The following ELP4 variants were observed in gnomAD, a reference collection of about 807,000 sequenced individuals.
ELP4 encodes the protein elongator complex protein 4.
ELP4 carries 51 observed loss-of-function variants against 48.9 expected under a neutral mutation model. The observed-to-expected ratio is 1.04, with a 90% CI of 0.83 to 1.32. ELP4 has a LOEUF of 1.32. Among genes scored for constraint, ELP4 ranks in the 40% most tolerant of loss-of-function variants. The pLI, the probability that ELP4 is intolerant of heterozygous loss-of-function variation, is 0.00. For missense variants in ELP4, 519 were observed against 514.6 expected, an observed-to-expected ratio of 1.01 and a Z score of -0.08; for synonymous variants, 210 against 189.2, an observed-to-expected ratio of 1.11 and a Z score of -0.90.
chr11:31,747,823 A>C (rs1480183843), intron 9 of ELP4, among the ~76,000 whole-genome samples: 3 of 152,210 alleles, frequency 2.0e-5, no homozygotes, highest in African/African-American at 7.2e-5. Context: ...ACAGAGATTC[A>C]CTTATTTAAC....
In ELP4 at chr11:31,786,527, AGAG is replaced by A. The variant is rs1367514050; in HGVS notation, c.*3004_*3006del. The A allele has an allele frequency of 4.4e-6, 1 of 224,740 alleles. No individual in the cohort carries two copies. The highest frequency in any genetic ancestry group is 2.2e-5 in the African/African-American group (1 of 44,898). The allele number at this position is 224,740 out of a possible 1,614,324, so 13.9% of individuals were successfully genotyped here. A position where few individuals can be genotyped will look rare whatever the true frequency, so the allele number is the denominator to read the frequency against. ...TTTCGCCTTGGTGAGCCAAACATAC[AGAG>A]AAGAAAAGGCTTTTTAAAATCTTAC... On this transcript the variant is annotated 3_prime_UTR_variant, in exon 10 of 10. Transcript: ENST00000640961.
chr11:31,694,822 CTT>C (rs2134145391), intron 9 of ELP4, among the ~76,000 whole-genome samples: 1 of 152,180 alleles, frequency 6.6e-6, no homozygotes, highest in South Asian at 2.1e-4. Flanking sequence ...TGTTTTTATC[CTT>C]TTTTATTTCA....
At chr11:31,544,882 C>G (rs1048633110) in intron 3 of ELP4, among the ~76,000 whole-genome samples, 3 of 152,166 alleles carry the variant, frequency 2.0e-5, no homozygotes, top group African/African-American at 7.2e-5. Flanking sequence ...TGCTAATACC[C>G]AGGCAAACAG....
chr11:31,692,064 T>C (rs1250961012), intron 9 of ELP4, among the ~76,000 whole-genome samples: 1 of 152,186 alleles, frequency 6.6e-6, no homozygotes, highest in Non-Finnish European at 1.5e-5. Flanking sequence ...GGTTTTCAAA[T>C]TTTTAAGCTG....
chr11:31,674,159 T>C (rs937469577), intron 9 of ELP4, among the ~76,000 whole-genome samples: 1 of 152,256 alleles, frequency 6.6e-6, no homozygotes, highest in African/African-American at 2.4e-5. Context: ...TTGGTATTGT[T>C]TTCTATTGGA....
At chr11:31,648,576 T>G (rs990748842) in intron 8 of ELP4, 2 of 151,508 alleles carry the variant, frequency 1.3e-5, no homozygotes, top group African/African-American at 4.8e-5. Flanking sequence ...ATAACAGATT[T>G]TTACCTATTA....
chr11:31,546,202 G>C (rs1284648301), intron 3 of ELP4, among the ~76,000 whole-genome samples: 1 of 152,028 alleles, frequency 6.6e-6, no homozygotes. Context: ...ATTGGATAAA[G>C]AGTCAAGACC....
intron 9 of ELP4, among the ~76,000 whole-genome samples, chr11:31,664,810 G>A (rs1945637259): frequency 1.3e-5 from 2 of 152,026 alleles, no homozygotes; most frequent in South Asian, 2.1e-4. Flanking sequence ...GCATCACCTT[G>A]AGAATAAAGG....
At chr11:31,714,078 A>G (rs1023253126) in intron 9 of ELP4, among the ~76,000 whole-genome samples, 3 of 152,160 alleles carry the variant, frequency 2.0e-5, no homozygotes, top group African/African-American at 7.2e-5. Context: ...ATGGTATAGA[A>G]AAGACCAGCA....
chr11:31,541,947 T>C (rs192109371), intron 3 of ELP4, among the ~76,000 whole-genome samples: 1 of 152,242 alleles, frequency 6.6e-6, no homozygotes, highest in East Asian at 1.9e-4. Flanking sequence ...ATATAAAATA[T>C]AAAACTACAG....
At chr11:31,693,865 G>A (rs1946337716) in intron 9 of ELP4, among the ~76,000 whole-genome samples, 1 of 152,206 alleles carries the variant, frequency 6.6e-6, no homozygotes, top group Admixed American at 6.5e-5. Context: ...TAACTGGTAT[G>A]AGATGGTATC....
intron 3 of ELP4, among the ~76,000 whole-genome samples, chr11:31,549,497 G>T (rs1461492356): frequency 1.3e-5 from 2 of 151,696 alleles, no homozygotes; most frequent in African/African-American, 2.4e-5. Flanking sequence ...ACAGGTGCTG[G>T]AGAGGATGTG....
chr11:31,554,422 T>C (rs1956898427), intron 3 of ELP4, among the ~76,000 whole-genome samples: 1 of 151,680 alleles, frequency 6.6e-6, no homozygotes, highest in South Asian at 2.1e-4. Flanking sequence ...TGAGATGTAA[T>C]TGATGAATAG....
intron 3 of ELP4, among the ~76,000 whole-genome samples, chr11:31,543,441 T>C (rs768657360): frequency 6.6e-6 from 1 of 152,080 alleles, no homozygotes; most frequent in Non-Finnish European, 1.5e-5. Context: ...TGCCTCAGCC[T>C]CCCAAGTAGC....
intron 9 of ELP4, among the ~76,000 whole-genome samples, chr11:31,718,620 C>T (rs1253732580): frequency 5.9e-5 from 9 of 152,142 alleles, no homozygotes; most frequent in Non-Finnish European, 1.2e-4. Context: ...GCTGACTGTC[C>T]ACTGGGACCT....
chr11:31,690,001 A>C (rs1477092927), intron 9 of ELP4, among the ~76,000 whole-genome samples: 1 of 152,108 alleles, frequency 6.6e-6, no homozygotes, highest in East Asian at 1.9e-4. Flanking sequence ...ATGGAACCAA[A>C]ATTAATGTTC....
intron 9 of ELP4, among the ~76,000 whole-genome samples, chr11:31,677,566 T>C (rs778081898): frequency 2.6e-5 from 4 of 152,048 alleles, no homozygotes; most frequent in Non-Finnish European, 4.4e-5. Context: ...ATTTAGAAAA[T>C]ACTCCAAGTT....
At chr11:31,728,739 G>T (rs1256305934) in intron 9 of ELP4, among the ~76,000 whole-genome samples, 2 of 152,092 alleles carry the variant, frequency 1.3e-5, no homozygotes, top group Non-Finnish European at 2.9e-5. Flanking sequence ...AAACAAACAA[G>T]ATATTTGTTA....
At chr11:31,707,370 A>G (rs956638011) in intron 9 of ELP4, 1 of 188,034 alleles carries the variant, frequency 5.3e-6, no homozygotes, top group Non-Finnish European at 1.1e-5. Context: ...ATATACTTTT[A>G]TAACGTATAC....
Sources: gnomAD v4.1 joint callset for allele counts (sites outside exome capture counted in the v4.1 genomes callset) on GRCh38, gnomAD v4.1.1 for gene constraint, MANE v1.5 for transcripts, NCBI Gene and HGNC (gene_info 2026-07-23, HGNC 2026-07-21) for gene names.